Variants in SLIT2 observed in about 807,000 individuals in gnomAD.
The protein encoded by SLIT2 is slit homolog 2 protein.
In SLIT2, 41 loss-of-function variants were observed where a neutral mutation model predicts 185.7. That is an observed-to-expected ratio of 0.22 (90% confidence interval 0.17 to 0.29). The LOEUF (loss-of-function observed/expected upper bound fraction) is 0.29, where lower values mean the gene tolerates loss of function less well. Ranked by LOEUF, SLIT2 falls within the 10% of genes least tolerant of loss-of-function variation. SLIT2 has a pLI of 1.00. For synonymous variants in SLIT2, 693 were observed against 680.2 expected (o/e 1.02, Z -0.29); for missense variants, 1,571 against 1,909.0 (o/e 0.82, Z 3.30).
At chr4:20,432,258 C>T (rs969615039) in intron 4 of SLIT2, among the ~76,000 whole-genome samples, 4 of 152,032 alleles carry the variant, frequency 2.6e-5, no homozygotes, top group African/African-American at 7.2e-5. Flanking sequence ...TTTAAAAAGA[C>T]AGAAAGGAAA....
At chr4:20,273,495 G>C (rs748768994) in intron 4 of SLIT2, among the ~76,000 whole-genome samples, 1 of 151,736 alleles carries the variant, frequency 6.6e-6, no homozygotes, top group South Asian at 2.1e-4. Flanking sequence ...TTGGGTTCAG[G>C]GTTTGTAACT....
chr4:20,611,144 G>A (rs980119868), intron 34 of SLIT2, among the ~76,000 whole-genome samples: 1 of 152,186 alleles, frequency 6.6e-6, no homozygotes, highest in African/African-American at 2.4e-5. Context: ...CTTTGAACAG[G>A]TTAGTGTACA....
intron 4 of SLIT2, among the ~76,000 whole-genome samples, chr4:20,460,826 G>A (rs1196844875): frequency 6.6e-6 from 1 of 152,108 alleles, no homozygotes; most frequent in Non-Finnish European, 1.5e-5. Context: ...ACCTAAAAAT[G>A]TCAACTTAAA....
At chr4:20,508,205 G>A (rs1246483993) in intron 9 of SLIT2, among the ~76,000 whole-genome samples, 1 of 151,906 alleles carries the variant, frequency 6.6e-6, no homozygotes, top group East Asian at 1.9e-4. Context: ...CAGTTAGCAG[G>A]GATATGTGAA....
chr4:20,491,515 T>A (rs1051313094), intron 8 of SLIT2, among the ~76,000 whole-genome samples: 3 of 152,200 alleles, frequency 2.0e-5, no homozygotes, highest in African/African-American at 7.2e-5. Flanking sequence ...CTCACAAGTT[T>A]TAAAAATTAG....
chr4:20,538,091 C>A (rs1158560474), intron 18 of SLIT2, among the ~76,000 whole-genome samples: 2 of 152,182 alleles, frequency 1.3e-5, no homozygotes, highest in Non-Finnish European at 2.9e-5. Flanking sequence ...TCCTGAGTAG[C>A]TGGGACTACA....
At chr4:20,490,682 A>G (rs1717705235) in intron 8 of SLIT2, 1 of 686,134 alleles carries the variant, frequency 1.5e-6, no homozygotes, top group Non-Finnish European at 2.4e-6. Flanking sequence ...ATTTTTGTAT[A>G]ATATCATGGA....
intron 4 of SLIT2, among the ~76,000 whole-genome samples, chr4:20,319,096 T>G (rs534551033): frequency 6.6e-6 from 1 of 152,260 alleles, no homozygotes; most frequent in Admixed American, 6.5e-5. Flanking sequence ...GTAGATGTAA[T>G]TATATACTTT....
intron 4 of SLIT2, among the ~76,000 whole-genome samples, chr4:20,380,655 AATAG>A (rs951001191): frequency 5.9e-5 from 9 of 152,120 alleles, no homozygotes; most frequent in East Asian, 1.9e-4. Flanking sequence ...TGTGAGCAGT[AATAG>A]ATAAACACTT....
In SLIT2 at chr4:20,547,359, A is replaced by G. The variant is rs574264894; in HGVS notation, c.2346-1129A>G. Reference sequence around the variant, plus strand: ...GTGATTACTTTCAAGCCAGCTCGAAATGACAAATGAGGATTTGTGGATCCA... The same window carrying G: ...GTGATTACTTTCAAGCCAGCTCGAAGTGACAAATGAGGATTTGTGGATCCA... On this transcript the variant is annotated intron_variant, in intron 22 of 36. Transcript: ENST00000504154. Among the ~76,000 whole-genome samples, 200 of 152,196 alleles carry G rather than the reference A, an allele frequency of 1.3e-3. 1 individual carries two copies. Among genetic ancestry groups the G allele is most frequent in the African/African-American group, 4.5e-3 (185 of 41,548 alleles).
chr4:20,507,044 A>G (rs1350264954), intron 9 of SLIT2, among the ~76,000 whole-genome samples: 2 of 152,050 alleles, frequency 1.3e-5, no homozygotes, highest in Non-Finnish European at 2.9e-5. Context: ...ATGTAAATGC[A>G]ATAGTTTGCA....
At chr4:20,379,055 A>G (rs1480617905) in intron 4 of SLIT2, among the ~76,000 whole-genome samples, 2 of 152,164 alleles carry the variant, frequency 1.3e-5, no homozygotes, top group African/African-American at 4.8e-5. Context: ...CAGTGAAACT[A>G]TTCTGTATGA....
intron 5 of SLIT2, among the ~76,000 whole-genome samples, chr4:20,475,064 T>G (rs1715946193): frequency 6.6e-6 from 1 of 151,978 alleles, no homozygotes; most frequent in Non-Finnish European, 1.5e-5. Flanking sequence ...TAACATCCAG[T>G]CTCTTTAGGC....
intron 4 of SLIT2, among the ~76,000 whole-genome samples, chr4:20,377,304 AACTT>A (rs1286376096): frequency 2.0e-5 from 3 of 152,190 alleles, no homozygotes; most frequent in Admixed American, 2.0e-4. Context: ...AATTGAAAGA[AACTT>A]ACTGAAAGTG....
chr4:20,367,926 G>C (rs1210375715), intron 4 of SLIT2, among the ~76,000 whole-genome samples: 1 of 152,166 alleles, frequency 6.6e-6, no homozygotes, highest in South Asian at 2.1e-4. Flanking sequence ...GTCAGCCTTC[G>C]TTGGAAGAGA....
At chr4:20,322,331 T>C (rs1239539852) in intron 4 of SLIT2, among the ~76,000 whole-genome samples, 1 of 152,214 alleles carries the variant, frequency 6.6e-6, no homozygotes, top group East Asian at 1.9e-4. Context: ...AGTCAACACA[T>C]GTAAGATGAA....
At chr4:20,368,018 C>T (rs1723250886) in intron 4 of SLIT2, among the ~76,000 whole-genome samples, 1 of 152,030 alleles carries the variant, frequency 6.6e-6, no homozygotes, top group African/African-American at 2.4e-5. Flanking sequence ...CACTTTCTCT[C>T]TTTTTTCTGT....
At position 20,469,366 on chromosome 4, in the gene SLIT2, C is replaced by A. The variant is rs528199273; in HGVS notation, c.467+1543C>A. Among the ~76,000 whole-genome samples the A allele has an allele frequency of 2.0e-5, 3 of 152,176 alleles. No homozygotes were observed. The East Asian group carries it at 5.8e-4, about 29-fold the overall frequency. On this transcript the variant is annotated intron_variant, in intron 5 of 36. Transcript: ENST00000504154. ...TTCTTAGTTAAGATATTCAGGGAAT[C>A]CAAGTAAAAAAGTGGCCCTCCTCCC... is the stretch of plus-strand genomic sequence containing the variant.
intron 18 of SLIT2, among the ~76,000 whole-genome samples, chr4:20,535,192 G>A (rs897920812): frequency 7.2e-5 from 11 of 152,012 alleles, no homozygotes; most frequent in Middle Eastern, 3.4e-3. Flanking sequence ...CCAGCTACTC[G>A]GGAGGCTGAG....
Sources: gnomAD v4.1 joint callset for allele counts (sites outside exome capture counted in the v4.1 genomes callset) on GRCh38, gnomAD v4.1.1 for gene constraint, MANE v1.5 for transcripts, NCBI Gene and HGNC (gene_info 2026-07-23, HGNC 2026-07-21) for gene names.